The following PRDM16 variants were observed in gnomAD, a reference collection of about 807,000 sequenced individuals.
PRDM16 encodes PR/SET domain 16, also known as histone-lysine N-methyltransferase PRDM16.
In PRDM16, 23 loss-of-function variants were observed where a neutral mutation model predicts 110.6. The observed-to-expected ratio is 0.21, with a 90% CI of 0.15 to 0.29. PRDM16 has a LOEUF of 0.29. Among genes scored for constraint, PRDM16 ranks in the 10% least tolerant of loss-of-function variants. The pLI is 1.00. For synonymous variants in PRDM16, 799 were observed against 781.8 expected (o/e 1.02, Z -0.37); for missense variants, 1,615 against 1,794.3 (o/e 0.90, Z 1.81).
intron 3 of PRDM16, chr1:3,308,892 A>G (rs1279660516): frequency 6.6e-6 from 1 of 152,238 alleles, no homozygotes; most frequent in Non-Finnish European, 1.5e-5. Flanking sequence ...GTAATTCGCC[A>G]TGATGGTGCC....
chr1:3,244,152 C>T lies in PRDM16; in HGVS notation c.438+15C>T, dbSNP rs182265560. ...GCATCACAAAGGTAGGAGAGCTCGCCCTGCGCCGTCTCAGCTCCCCAGCGT... is the reference window on the plus strand; with the variant it reads ...GCATCACAAAGGTAGGAGAGCTCGCTCTGCGCCGTCTCAGCTCCCCAGCGT... On this transcript the variant is annotated intron_variant, in intron 3 of 16. Transcript: ENST00000270722. This position sits in a 1 kb window ranked among gnomAD's most constrained non-coding sequence, Gnocchi z 4.1. The T allele has an allele frequency of 3.5e-5, 56 of 1,613,280 alleles. No individual in the cohort carries two copies. The African/African-American group carries it at 6.5e-4, about 19-fold the overall frequency.
intron 3 of PRDM16, among the ~76,000 whole-genome samples, chr1:3,378,284 G>A (rs547224468): frequency 6.6e-6 from 1 of 152,254 alleles, no homozygotes; most frequent in East Asian, 1.9e-4. Flanking sequence ...GGCAGCCGGA[G>A]GGCCACCAAG....
At chr1:3,332,402 C>T (rs989368685) in intron 3 of PRDM16, among the ~76,000 whole-genome samples, 7 of 140,742 alleles carry the variant, frequency 5.0e-5, no homozygotes, top group Non-Finnish European at 9.2e-5. Context: ...CAGTGGGGGG[C>T]TCGGGGCTGG....
At chr1:3,323,726 G>T (rs188287030) in intron 3 of PRDM16, among the ~76,000 whole-genome samples, 1 of 152,374 alleles carries the variant, frequency 6.6e-6, no homozygotes, top group African/African-American at 2.4e-5. Flanking sequence ...ATCCTGAGCA[G>T]TAAAAGCTGC....
chr1:3,199,411 G>C (rs552465089), intron 2 of PRDM16, among the ~76,000 whole-genome samples: 1 of 152,304 alleles, frequency 6.6e-6, no homozygotes, highest in East Asian at 1.9e-4. Flanking sequence ...TGCCAGTGGG[G>C]CTCTGCTGAG....
chr1:3,325,893 C>CCTTGGCCCT (rs1641879321), intron 3 of PRDM16, among the ~76,000 whole-genome samples: 2 of 150,910 alleles, frequency 1.3e-5, no homozygotes, highest in South Asian at 4.2e-4. Flanking sequence ...TCTTGGCCAT[C>CCTTGGCCCT]CTTGGCCCTC....
intron 3 of PRDM16, among the ~76,000 whole-genome samples, chr1:3,345,827 G>A (rs542095831): frequency 2.7e-5 from 2 of 75,312 alleles, no homozygotes; most frequent in East Asian, 3.9e-4. Context: ...CTGCCCTCTC[G>A]GGTCCTCCCG....
chr1:3,230,135 G>A (rs1160364334), intron 2 of PRDM16, among the ~76,000 whole-genome samples: 3 of 152,142 alleles, frequency 2.0e-5, no homozygotes, highest in African/African-American at 7.2e-5. Flanking sequence ...GGATGCTTTC[G>A]GGCACCCAGT....
chr1:3,127,744 G>A (rs1347381520), intron 1 of PRDM16, among the ~76,000 whole-genome samples: 1 of 152,266 alleles, frequency 6.6e-6, no homozygotes, highest in East Asian at 1.9e-4. Flanking sequence ...TGAGCGAGAG[G>A]CCGGTTTGCC....
At chr1:3,154,804 C>A (rs1557488291) in intron 1 of PRDM16, among the ~76,000 whole-genome samples, 1 of 152,154 alleles carries the variant, frequency 6.6e-6, no homozygotes. Flanking sequence ...TAGTGGGTAG[C>A]AAGTATAAAA....
intron 3 of PRDM16, among the ~76,000 whole-genome samples, chr1:3,375,999 G>A (rs1461715722): frequency 6.6e-6 from 1 of 152,170 alleles, no homozygotes; most frequent in African/African-American, 2.4e-5. Flanking sequence ...AGGGCTGTGC[G>A]CTCCCTCAGA....
At chr1:3,300,366 T>G (rs1641181965) in intron 3 of PRDM16, among the ~76,000 whole-genome samples, 1 of 130,662 alleles carries the variant, frequency 7.7e-6, no homozygotes, top group Admixed American at 7.6e-5. Flanking sequence ...TCGTGGTGAC[T>G]CTGCCCTGGT....
chr1:3,395,798 C>G (rs1352059045), intron 4 of PRDM16, among the ~76,000 whole-genome samples: 1 of 152,240 alleles, frequency 6.6e-6, no homozygotes, highest in Non-Finnish European at 1.5e-5. Context: ...CAGCACTGCT[C>G]AGTGAGCAGA....
intron 3 of PRDM16, among the ~76,000 whole-genome samples, chr1:3,257,065 G>A (rs1286405876): frequency 1.3e-5 from 2 of 152,138 alleles, no homozygotes; most frequent in Non-Finnish European, 2.9e-5. Context: ...TTGTTAATAC[G>A]TTAAGTGACG....
At chr1:3,404,912 A>G (rs2100646397) in intron 7 of PRDM16, 26 bp downstream of exon 7, 1 of 1,608,876 alleles carries the variant, frequency 6.2e-7, no homozygotes, top group South Asian at 1.1e-5. Flanking sequence ...GCCCCGTCTC[A>G]GCCCCGGGGC....
intron 2 of PRDM16, among the ~76,000 whole-genome samples, chr1:3,186,773 G>A (rs936455385): frequency 2.6e-5 from 4 of 152,204 alleles, no homozygotes; most frequent in African/African-American, 2.4e-5. Flanking sequence ...TCCCAGGCGC[G>A]AACACTGCCA....
rs924573429 is a variant in PRDM16 at position 3,265,779 on chromosome 1, C to A, written c.438+21642C>A. 6.6e-6 allele frequency among the ~76,000 whole-genome samples: 1 copy of A among 152,160 alleles called. No homozygotes were observed. Among genetic ancestry groups the A allele is most frequent in the East Asian group, 1.9e-4 (1 of 5,194 alleles). ...CAGGCATTATCCAGCTGGCACCTCA[C>A]GCTCTGTCCTCACCGCCCAGACCCT... On this transcript the variant is annotated intron_variant, in intron 3 of 16. Coordinates refer to ENST00000270722, the MANE Select transcript of PRDM16 (RefSeq NM_022114.4). The surrounding 1 kb of genome is among the most constrained non-coding windows in gnomAD (Gnocchi z 4.5).
chr1:3,124,431 G>A (rs1643161771), intron 1 of PRDM16, among the ~76,000 whole-genome samples: 1 of 152,136 alleles, frequency 6.6e-6, no homozygotes, highest in South Asian at 2.1e-4. Context: ...CTGCTCCCGT[G>A]GCCTCTAAAC....
intron 3 of PRDM16, among the ~76,000 whole-genome samples, chr1:3,258,353 C>T (rs955332308): frequency 2.0e-5 from 3 of 152,100 alleles, no homozygotes; most frequent in African/African-American, 4.8e-5. Flanking sequence ...TAACAGATTC[C>T]GTGTGAGTGT....
Sources: gnomAD v4.1 joint callset for allele counts (sites outside exome capture counted in the v4.1 genomes callset) on GRCh38, gnomAD v4.1.1 for gene constraint, Gnocchi (gnomAD v3.1) non-coding constraint, MANE v1.5 for transcripts, NCBI Gene and HGNC (gene_info 2026-07-23, HGNC 2026-07-21) for gene names.